Variants in CCSER1 observed in about 807,000 individuals in gnomAD.
The protein encoded by CCSER1 is coiled-coil serine rich protein 1.
A neutral mutation model predicts 82.0 loss-of-function variants in CCSER1; 41 were observed. The observed-to-expected ratio is 0.50, with a 90% CI of 0.39 to 0.65. CCSER1 has a LOEUF of 0.65. CCSER1 is among the 30% of genes least tolerant of loss of function. The pLI, the probability that CCSER1 is intolerant of heterozygous loss-of-function variation, is 0.00. For missense variants in CCSER1, 1,119 were observed against 1,064.2 expected, an observed-to-expected ratio of 1.05 and a Z score of -0.72; for synonymous variants, 414 against 383.9, an observed-to-expected ratio of 1.08 and a Z score of -0.92.
intron 5 of CCSER1, among the ~76,000 whole-genome samples, chr4:90,581,589 T>C (rs1352514874): frequency 6.6e-6 from 1 of 152,168 alleles, no homozygotes; most frequent in Non-Finnish European, 1.5e-5. Context: ...ACCTAAATTG[T>C]CAAGAATTAT....
At chr4:90,859,943 T>C (rs879292647) in intron 8 of CCSER1, among the ~76,000 whole-genome samples, 1 of 151,702 alleles carries the variant, frequency 6.6e-6, no homozygotes, top group Admixed American at 6.6e-5. Context: ...AAATTTGATA[T>C]AATTTTTATC....
intron 4 of CCSER1, among the ~76,000 whole-genome samples, chr4:90,407,348 T>A (rs187327501): frequency 3.3e-5 from 5 of 152,298 alleles, no homozygotes; most frequent in African/African-American, 1.2e-4. Context: ...GCAGCAAGCT[T>A]GAAATGATAA....
chr4:91,473,053 T>G (rs1293622680), intron 10 of CCSER1, among the ~76,000 whole-genome samples: 1 of 152,148 alleles, frequency 6.6e-6, no homozygotes, highest in Non-Finnish European at 1.5e-5. Flanking sequence ...AAATGATATT[T>G]CATATTCTGT....
chr4:90,253,117 T>C (rs1722686481), intron 1 of CCSER1, among the ~76,000 whole-genome samples: 1 of 152,088 alleles, frequency 6.6e-6, no homozygotes, highest in African/African-American at 2.4e-5. Context: ...ACAGCTTTTT[T>C]CCCAGCCAAT....
chr4:91,033,940 G>A (rs754325425), intron 9 of CCSER1, among the ~76,000 whole-genome samples: 1 of 152,120 alleles, frequency 6.6e-6, no homozygotes, highest in Non-Finnish European at 1.5e-5. Context: ...CCCTGGTGAT[G>A]TTATTGTATA....
At chr4:90,412,060 A>T (rs371166216) in intron 4 of CCSER1, among the ~76,000 whole-genome samples, 34 of 152,162 alleles carry the variant, frequency 2.2e-4, no homozygotes, top group East Asian at 1.5e-3. Context: ...ACTTTGAACC[A>T]AGCCAAATGT....
chr4:90,636,929 A>G lies in CCSER1; in HGVS notation c.1932+8697A>G, dbSNP rs147339247. On this transcript the variant is annotated intron_variant, in intron 6 of 10. Coordinates refer to ENST00000509176, the MANE Select transcript of CCSER1 (RefSeq NM_001145065.2). ...TTTGTTTATACAGATAACCTAAGAA[A>G]TCTACAAAAAAGTTAATAATAAAAT... 8.5e-5 allele frequency among the ~76,000 whole-genome samples: 13 copies of G among 152,320 alleles called. No individual in the cohort carries two copies. The East Asian group carries it at 2.3e-3, about 27-fold the overall frequency.
intron 8 of CCSER1, among the ~76,000 whole-genome samples, chr4:90,850,581 C>T (rs1274560785): frequency 6.6e-6 from 1 of 152,212 alleles, no homozygotes. Flanking sequence ...AATGACTGCC[C>T]TATTAGATTT....
In CCSER1 at chr4:91,538,698, C is replaced by CATATATTATAT; in HGVS notation, c.2218-59868_2218-59867insTATATATATAT. Reference sequence around the variant, plus strand: ...ATATATGATATATATTATATATACACATATATATATATAATATCTCAGTGC... The same window carrying CATATATTATAT: ...ATATATGATATATATTATATATACACATATATTATATATATATATATATAATATCTCAGTGC... On this transcript the variant is annotated intron_variant, in intron 10 of 10. Coordinates refer to ENST00000509176, the MANE Select transcript of CCSER1 (RefSeq NM_001145065.2). Among the ~76,000 whole-genome samples the CATATATTATAT allele has an allele frequency of 3.6e-5, 5 of 138,324 alleles. 1 individual carries two copies. The highest frequency in any genetic ancestry group is 1.1e-4 in the African/African-American group (4 of 36,398). The allele number at this position is 138,324 out of a possible 152,430, so 90.7% of individuals were successfully genotyped here. A position where few individuals can be genotyped will look rare whatever the true frequency, so the allele number is the denominator to read the frequency against.
chr4:91,600,249 A>C lies in CCSER1; in HGVS notation c.*1192A>C, dbSNP rs546912467. The stretch of plus-strand genomic sequence containing the variant: ...TATAATATGTTATATACTTATGTGC[A>C]CTTTAGATCAATATATGAATTGATC... On this transcript the variant is annotated 3_prime_UTR_variant, in exon 11 of 11. Transcript: ENST00000509176. 3 of 152,324 alleles carry C rather than the reference A, an allele frequency of 2.0e-5. No individual in the cohort carries two copies. Among genetic ancestry groups the C allele is most frequent in the Non-Finnish European group, 2.9e-5 (2 of 68,018 alleles). The allele number at this position is 152,324 out of a possible 1,614,324, so 9.4% of individuals were successfully genotyped here. A position where few individuals can be genotyped will look rare whatever the true frequency, so the allele number is the denominator to read the frequency against.
At chr4:91,342,500 C>T (rs1747787236) in intron 10 of CCSER1, among the ~76,000 whole-genome samples, 1 of 152,120 alleles carries the variant, frequency 6.6e-6, no homozygotes, top group South Asian at 2.1e-4. Flanking sequence ...TGAAATTTCT[C>T]AGCATATTCC....
chr4:90,920,018 T>C (rs1728141229), intron 8 of CCSER1, among the ~76,000 whole-genome samples: 1 of 151,970 alleles, frequency 6.6e-6, no homozygotes, highest in East Asian at 1.9e-4. Context: ...ATTTATCTAC[T>C]ACAAATTGAG....
intron 10 of CCSER1, among the ~76,000 whole-genome samples, chr4:91,534,867 T>G (rs79187094): frequency 1.6e-4 from 24 of 151,984 alleles, no homozygotes; most frequent in African/African-American, 5.8e-4. Flanking sequence ...ACTGAAATAA[T>G]GAATCCTTGT....
At chr4:90,480,547 T>A (rs1002927672) in intron 5 of CCSER1, among the ~76,000 whole-genome samples, 2 of 152,192 alleles carry the variant, frequency 1.3e-5, no homozygotes, top group Non-Finnish European at 2.9e-5. Flanking sequence ...CTTGAATTAA[T>A]TTTTGTATAA....
chr4:90,909,603 A>G (rs1449152787), intron 8 of CCSER1, among the ~76,000 whole-genome samples: 1 of 152,184 alleles, frequency 6.6e-6, no homozygotes, highest in African/African-American at 2.4e-5. Flanking sequence ...CTGATCAGTC[A>G]CTAAATGCCC....
At chr4:90,514,098 A>G (rs1368053788) in intron 5 of CCSER1, among the ~76,000 whole-genome samples, 2 of 152,194 alleles carry the variant, frequency 1.3e-5, no homozygotes, top group African/African-American at 4.8e-5. Flanking sequence ...GAGATATTGC[A>G]GATAACTGAT....
At chr4:90,492,945 T>C (rs1057324352) in intron 5 of CCSER1, among the ~76,000 whole-genome samples, 2 of 151,914 alleles carry the variant, frequency 1.3e-5, no homozygotes, top group Non-Finnish European at 2.9e-5. Context: ...CCAACTAGGC[T>C]TCAGAAGATC....
chr4:91,544,208 C>CT (rs941611819), intron 10 of CCSER1, among the ~76,000 whole-genome samples: 14 of 152,076 alleles, frequency 9.2e-5, no homozygotes, highest in Admixed American at 2.0e-4. Context: ...TTCACCTAAT[C>CT]TTTTTTCCAG....
chr4:91,598,909 C>G lies in CCSER1; in HGVS notation c.2555C>G (p.Thr852Arg), dbSNP rs779227303. 1 of 1,551,588 alleles carries G rather than the reference C, an allele frequency of 6.4e-7. No individual in the cohort carries two copies. Residue 852 changes from threonine (T) to arginine (R), a missense_variant, in exon 11 of 11, where the codon ACG (threonine) becomes AGG (arginine). Coordinates refer to ENST00000509176, the MANE Select transcript of CCSER1 (RefSeq NM_001145065.2). Reference sequence around the variant, plus strand: ...GAGAAACCAAAGGACCAAGTTGCTACGGCCCGACAGCATTCGACCTTTACA... The same window carrying G: ...GAGAAACCAAAGGACCAAGTTGCTAGGGCCCGACAGCATTCGACCTTTACA... ...FLEKPKDQVA[T>R]ARQHSTFTGR...
Sources: allele counts gnomAD v4.1 joint callset (sites outside exome capture counted in the v4.1 genomes callset), GRCh38; gene constraint gnomAD v4.1.1; transcripts MANE v1.5; gene names NCBI Gene and HGNC (gene_info 2026-07-23, HGNC 2026-07-21).